Variants in ATP2B4 observed in about 807,000 individuals in gnomAD.
ATP2B4 encodes the protein ATPase plasma membrane Ca2+ transporting 4, also known as plasma membrane calcium-transporting ATPase 4.
ATP2B4 carries 39 observed loss-of-function variants against 110.3 expected under a neutral mutation model. The observed-to-expected ratio is 0.35, with a 90% CI of 0.27 to 0.46. The LOEUF is 0.46. Among genes scored for constraint, ATP2B4 ranks in the 20% least tolerant of loss-of-function variants. The pLI is 1.00. For synonymous variants in ATP2B4, 538 were observed against 571.7 expected (o/e 0.94, Z 0.84); for missense variants, 1,135 against 1,530.9 (o/e 0.74, Z 4.32).
chr1:203,669,977 T>C (rs1664613559), intron 1 of ATP2B4, among the ~76,000 whole-genome samples: 1 of 152,178 alleles, frequency 6.6e-6, no homozygotes, highest in African/African-American at 2.4e-5. Flanking sequence ...AGTCACCTCT[T>C]TGCCTGCCCT....
chr1:203,725,329 AGTAGAGACAGG>A (rs1199256674), intron 19 of ATP2B4, among the ~76,000 whole-genome samples: 2 of 151,956 alleles, frequency 1.3e-5, no homozygotes, highest in Non-Finnish European at 2.9e-5. Context: ...TTGTATTTTT[AGTAGAGACAGG>A]GTTTCACCAT....
chr1:203,688,549 A>C (rs565804550), intron 2 of ATP2B4, among the ~76,000 whole-genome samples: 6 of 151,762 alleles, frequency 4.0e-5, no homozygotes, highest in African/African-American at 1.5e-4. Flanking sequence ...CGATCTGCCC[A>C]CCTTGGCCCC....
intron 2 of ATP2B4, among the ~76,000 whole-genome samples, chr1:203,688,486 G>A (rs1328135861): frequency 6.7e-6 from 1 of 150,124 alleles, no homozygotes; most frequent in Non-Finnish European, 1.5e-5. Flanking sequence ...TTTTTTTGTA[G>A]AGACAGGGTC....
intron 1 of ATP2B4, among the ~76,000 whole-genome samples, chr1:203,652,141 CTTCT>C (rs1168913681): frequency 5.5e-5 from 4 of 72,280 alleles, no homozygotes; most frequent in Middle Eastern, 0.011. Flanking sequence ...AAAGCAACTT[CTTCT>C]TTTTTTTTTT....
chr1:203,665,939 A>G (rs1664490516), intron 1 of ATP2B4, among the ~76,000 whole-genome samples: 1 of 152,068 alleles, frequency 6.6e-6, no homozygotes, highest in South Asian at 2.1e-4. Context: ...TTCTTGTTTG[A>G]TGTAGTTGGT....
chr1:203,733,256 T>G, intron 20 of ATP2B4: 2 of 1,613,412 alleles, frequency 1.2e-6, no homozygotes, highest in Non-Finnish European at 1.7e-6. Context: ...GACGGGAGCC[T>G]CTTTTAAGGG....
chr1:203,669,298 C>T (rs1438454104), intron 1 of ATP2B4, among the ~76,000 whole-genome samples: 1 of 152,186 alleles, frequency 6.6e-6, no homozygotes, highest in African/African-American at 2.4e-5. Context: ...GTGCCATCAA[C>T]CATTCATTCA....
At chr1:203,676,589 C>A (rs867605585) in intron 1 of ATP2B4, among the ~76,000 whole-genome samples, 12 of 152,250 alleles carry the variant, frequency 7.9e-5, no homozygotes, top group African/African-American at 2.4e-4. Context: ...CTTAAACCCC[C>A]CAAGGTGGTG....
chr1:203,648,297 A>C (rs1571678443), intron 1 of ATP2B4, among the ~76,000 whole-genome samples: 1 of 152,224 alleles, frequency 6.6e-6, no homozygotes, highest in South Asian at 2.1e-4. Flanking sequence ...TTTTTTTAAA[A>C]AAAAAATCCA....
Position 203,720,568 on chromosome 1 carries a change from T to C in ATP2B4, c.2426T>C (p.Val809Ala). 6.2e-7 allele frequency: 1 copy of C among 1,610,314 alleles called. No individual in the cohort carries two copies. The highest frequency in any genetic ancestry group is 8.5e-7 in the Non-Finnish European group (1 of 1,177,812). Residue 809 changes from valine to alanine, a missense_variant, in exon 16 of 21, where the codon GTA becomes GCA. Val to Ala is a moderately conservative substitution (Grantham distance 64). This residue lies in a region of ATP2B4 where 70 missense variants were observed against 142.4 expected (regional missense o/e 0.49). Coordinates refer to ENST00000357681, the MANE Select transcript of ATP2B4 (RefSeq NM_001684.5). The stretch of plus-strand genomic sequence containing the variant: ...CCTCAGGGCATCGCAGGCACAGATG[T>C]AGCAAAGGAGGCTTCAGACATCATC... The part of the protein sequence containing the change: ...GFAMGIAGTD[V>A]AKEASDIILT...
chr1:203,703,852 G>A (rs199512419), intron 8 of ATP2B4, 39 bp downstream of exon 8: 3 of 1,600,152 alleles, frequency 1.9e-6, no homozygotes, highest in African/African-American at 1.3e-5. Flanking sequence ...TATCAATGTT[G>A]TCTTGGATCC....
intron 20 of ATP2B4, among the ~76,000 whole-genome samples, chr1:203,731,498 A>T (rs1283995794): frequency 6.6e-6 from 1 of 152,116 alleles, no homozygotes; most frequent in Non-Finnish European, 1.5e-5. Context: ...CTTGTTACTT[A>T]GGGGTCAGGG....
chr1:203,703,901 C>G, intron 8 of ATP2B4, 88 bp downstream of exon 8: 1 of 1,461,656 alleles, frequency 6.8e-7, no homozygotes, highest in Non-Finnish European at 9.1e-7. Context: ...CCGACCGAGA[C>G]TGGCAGAAAG....
At chr1:203,719,214 G>A (rs1461869754) in intron 15 of ATP2B4, among the ~76,000 whole-genome samples, 1 of 116,164 alleles carries the variant, frequency 8.6e-6, no homozygotes, top group Non-Finnish European at 1.6e-5. Flanking sequence ...GACAGAGCAA[G>A]ACCCTGTCTC....
chr1:203,685,419 C>T (rs1179975176), intron 2 of ATP2B4, among the ~76,000 whole-genome samples: 1 of 152,210 alleles, frequency 6.6e-6, no homozygotes. Context: ...GGCTTTCAGT[C>T]TCATGTGGTC....
chr1:203,736,181 A>G (rs760575480), intron 20 of ATP2B4, among the ~76,000 whole-genome samples: 3 of 152,122 alleles, frequency 2.0e-5, no homozygotes, highest in Non-Finnish European at 4.4e-5. Flanking sequence ...AGAGCAGAAA[A>G]CTGCCTGGCG....
At chr1:203,655,222 C>A (rs1233628280) in intron 1 of ATP2B4, among the ~76,000 whole-genome samples, 2 of 152,110 alleles carry the variant, frequency 1.3e-5, no homozygotes, top group Non-Finnish European at 2.9e-5. Flanking sequence ...GTTGAAGTGA[C>A]AAAGGATTTA....
chr1:203,647,190 A>C (rs965389864), intron 1 of ATP2B4, among the ~76,000 whole-genome samples: 1 of 152,166 alleles, frequency 6.6e-6, no homozygotes. Context: ...CTGTAATCCC[A>C]GCACTTTGGG....
chr1:203,686,672 CTTTCT>C (rs1161872781), intron 2 of ATP2B4, among the ~76,000 whole-genome samples: 1 of 50,068 alleles, frequency 2.0e-5, no homozygotes, highest in Admixed American at 2.7e-4. Context: ...TGGTGTTTTT[CTTTCT>C]TTTCTTTCTT....
Sources: gnomAD v4.1 joint callset for allele counts (sites outside exome capture counted in the v4.1 genomes callset) on GRCh38, gnomAD v4.1.1 for gene constraint, gnomAD v4.1.1 regional missense constraint, MANE v1.5 for transcripts, NCBI Gene and HGNC (gene_info 2026-07-23, HGNC 2026-07-21) for gene names.